The following NEBL variants were observed in gnomAD, a reference collection of about 807,000 sequenced individuals.
NEBL encodes LIM and SH3 protein 2.
Under a neutral mutation model 140.2 loss-of-function variants are expected in NEBL, and 122 were observed. The observed-to-expected ratio is 0.87, with a 90% CI of 0.75 to 1.01. NEBL has a LOEUF of 1.01. Among genes scored for constraint, NEBL ranks in the 50% least tolerant of loss-of-function variants. The probability of loss-of-function intolerance (pLI) is 0.00; values close to 1 mark genes in which losing one functional copy is unlikely to be tolerated. For synonymous variants in NEBL, 436 were observed against 398.9 expected, an observed-to-expected ratio of 1.09 and a Z score of -1.11; for missense variants, 1,365 against 1,231.3, an observed-to-expected ratio of 1.11 and a Z score of -1.62.
intron 4 of NEBL, among the ~76,000 whole-genome samples, chr10:20,912,259 A>G (rs918946525): frequency 1.6e-4 from 24 of 152,232 alleles, no homozygotes; most frequent in African/African-American, 5.3e-4. Context: ...GGCTTGCAAG[A>G]AAAGCAAGTC....
intron 2 of NEBL, among the ~76,000 whole-genome samples, chr10:21,140,212 A>G (rs1453387081): frequency 2.6e-5 from 4 of 152,118 alleles, no homozygotes; most frequent in Admixed American, 2.6e-4. Context: ...ATGGTTGAGA[A>G]TCTGATATCT....
intron 3 of NEBL, among the ~76,000 whole-genome samples, chr10:21,186,908 C>T (rs1589320808): frequency 1.3e-5 from 2 of 150,556 alleles, no homozygotes; most frequent in African/African-American, 4.9e-5. Context: ...TAGGAATGTG[C>T]TTTTTTTCTG....
intron 2 of NEBL, among the ~76,000 whole-genome samples, chr10:21,101,937 A>C (rs1226191428): frequency 1.3e-5 from 2 of 152,270 alleles, no homozygotes; most frequent in African/African-American, 4.8e-5. Flanking sequence ...CACTGTGTAC[A>C]AAGCATTGTC....
chr10:21,276,767 G>A lies in NEBL; in HGVS notation n.182+16063C>T, dbSNP rs549348829. 1.4e-4 allele frequency among the ~76,000 whole-genome samples: 22 copies of A among 152,250 alleles called. No individual in the cohort carries two copies. In the East Asian group the frequency reaches 1.7e-3, roughly 12 times the overall value. ...GCAGATCACTTGAGGCCAAGAGTTCGAGACCAGCCCGGCCAACATGGGGAA... is the reference window on the plus strand; with the variant it reads ...GCAGATCACTTGAGGCCAAGAGTTCAAGACCAGCCCGGCCAACATGGGGAA... On this transcript the variant is annotated intron_variant and non_coding_transcript_variant, in intron 1 of 8. Coordinates refer to the NEBL transcript ENST00000675702.
intron 2 of NEBL, among the ~76,000 whole-genome samples, chr10:20,890,403 C>G (rs549294954): frequency 1.3e-5 from 2 of 152,082 alleles, no homozygotes; most frequent in Non-Finnish European, 2.9e-5. Flanking sequence ...GAAGTAGAGG[C>G]GAAATTAAAT....
intron 24 of NEBL, 54 bp from the exon 25 acceptor site, chr10:20,809,952 A>C: frequency 1.1e-6 from 1 of 938,624 alleles, no homozygotes. Flanking sequence ...TAAAAAAGGA[A>C]AAAAAAAAAA....
At chr10:21,108,439 C>T (rs901376660) in intron 2 of NEBL, among the ~76,000 whole-genome samples, 7 of 152,248 alleles carry the variant, frequency 4.6e-5, no homozygotes, top group Admixed American at 1.3e-4. Context: ...CATTCAGGAG[C>T]AGGTTGTTCA....
At chr10:20,820,902 A>G (rs368988054) in intron 19 of NEBL, among the ~76,000 whole-genome samples, 2 of 152,188 alleles carry the variant, frequency 1.3e-5, no homozygotes, top group East Asian at 3.9e-4. Flanking sequence ...TTAGTAGTGA[A>G]CATGAGAGTG....
intron 6 of NEBL, 131 bp from the exon 7 acceptor site, chr10:20,868,896 A>C (rs1472616790): frequency 1.0e-5 from 7 of 690,982 alleles, no homozygotes; most frequent in Non-Finnish European, 1.5e-5. Context: ...ATCAAACACT[A>C]AAATGTTGAC....
At chr10:21,094,904 T>C (rs1199253440) in intron 2 of NEBL, among the ~76,000 whole-genome samples, 1 of 152,164 alleles carries the variant, frequency 6.6e-6, no homozygotes, top group African/African-American at 2.4e-5. Context: ...TCCCAGGTGA[T>C]GGTGAAGAAA....
At chr10:21,043,809 TCA>T (rs916620718) in intron 2 of NEBL, among the ~76,000 whole-genome samples, 54 of 152,324 alleles carry the variant, frequency 3.5e-4, no homozygotes, top group African/African-American at 1.1e-3. Context: ...CATAGATGCA[TCA>T]GACTATGTAA....
At chr10:21,010,676 G>C (rs186819696) in intron 3 of NEBL, among the ~76,000 whole-genome samples, 2 of 152,058 alleles carry the variant, frequency 1.3e-5, no homozygotes, top group Admixed American at 6.6e-5. Flanking sequence ...CAAATATATA[G>C]AGTTACTCTA....
chr10:21,034,594 A>G (rs1407874836), intron 2 of NEBL, among the ~76,000 whole-genome samples: 1 of 152,240 alleles, frequency 6.6e-6, no homozygotes, highest in Non-Finnish European at 1.5e-5. Context: ...AGCAATTTCA[A>G]CAGACTAATA....
At chr10:20,882,466 G>A (rs556141905) in intron 4 of NEBL, among the ~76,000 whole-genome samples, 1 of 152,082 alleles carries the variant, frequency 6.6e-6, no homozygotes, top group African/African-American at 2.4e-5. Flanking sequence ...AATTTAAGGA[G>A]AAAGTTTTTA....
At chr10:20,814,420 A>AC (rs1178710641) in intron 22 of NEBL, among the ~76,000 whole-genome samples, 1 of 150,728 alleles carries the variant, frequency 6.6e-6, no homozygotes, top group Non-Finnish European at 1.5e-5. Flanking sequence ...GCACAGTGAA[A>AC]CCCCCCATCT....
At chr10:21,184,116 G>A (rs1841428119) in intron 3 of NEBL, among the ~76,000 whole-genome samples, 1 of 152,278 alleles carries the variant, frequency 6.6e-6, no homozygotes, top group African/African-American at 2.4e-5. Context: ...CACAGGCCAA[G>A]CTTTTAATGA....
chr10:20,835,507 A>G lies in NEBL; in HGVS notation c.1449+6T>C. The stretch of plus-strand genomic sequence containing the variant: ...TCTTAAGGCCTGCATCACGCACCCT[A>G]CTAACCTCACTCGCTATCTCTGCAG... On this transcript the variant is annotated splice_donor_region_variant and intron_variant, in intron 14 of 27. Coordinates refer to ENST00000377122, the MANE Select transcript of NEBL (RefSeq NM_006393.3). 6.2e-7 allele frequency: 1 copy of G among 1,600,398 alleles called. No homozygotes were observed. Among genetic ancestry groups the G allele is most frequent in the South Asian group, 1.1e-5 (1 of 90,864 alleles).
At chr10:20,793,017 A>G (rs1194749999) in intron 26 of NEBL, among the ~76,000 whole-genome samples, 1 of 152,208 alleles carries the variant, frequency 6.6e-6, no homozygotes, top group African/African-American at 2.4e-5. Flanking sequence ...ATCTAGAAAC[A>G]AGATGCTATT....
intron 2 of NEBL, among the ~76,000 whole-genome samples, chr10:21,123,490 A>T (rs1203349883): frequency 6.6e-6 from 1 of 152,160 alleles, no homozygotes; most frequent in African/African-American, 2.4e-5. Flanking sequence ...TAAGTCTTTT[A>T]TGTCACGAGA....
Sources: gnomAD v4.1 joint callset for allele counts (sites outside exome capture counted in the v4.1 genomes callset) on GRCh38, gnomAD v4.1.1 for gene constraint, MANE v1.5 for transcripts, NCBI Gene and HGNC (gene_info 2026-07-23, HGNC 2026-07-21) for gene names.